The following LRRC4C variants were observed in gnomAD, a reference collection of about 807,000 sequenced individuals.
The protein encoded by LRRC4C is leucine-rich repeat-containing protein 4C.
Under a neutral mutation model 33.6 loss-of-function variants are expected in LRRC4C, and 5 were observed. The observed-to-expected ratio is 0.15, with a 90% CI of 0.08 to 0.31. The LOEUF is 0.31. Ranked by LOEUF, LRRC4C falls within the 10% of genes least tolerant of loss-of-function variation. The pLI is 1.00. For synonymous variants in LRRC4C, 329 were observed against 302.0 expected, an observed-to-expected ratio of 1.09 and a Z score of -0.93; for missense variants, 560 against 796.7, an observed-to-expected ratio of 0.70 and a Z score of 3.58.
chr11:40,918,705 T>A (rs185402435), intron 2 of LRRC4C, among the ~76,000 whole-genome samples: 38 of 152,236 alleles, frequency 2.5e-4, no homozygotes, highest in African/African-American at 9.1e-4. Context: ...AAAAACTGAG[T>A]TCAGAGTAAG....
intron 3 of LRRC4C, among the ~76,000 whole-genome samples, chr11:40,414,237 A>G (rs1376903291): frequency 2.0e-5 from 3 of 152,170 alleles, no homozygotes; most frequent in Non-Finnish European, 4.4e-5. Context: ...CACAGGCACT[A>G]GGAACGAGAG....
At chr11:41,023,239 T>C (rs1156870415) in intron 1 of LRRC4C, among the ~76,000 whole-genome samples, 1 of 151,798 alleles carries the variant, frequency 6.6e-6, no homozygotes, top group African/African-American at 2.4e-5. Context: ...CAAATTTAAA[T>C]AGAGAAACAA....
chr11:41,392,841 C>T (rs1953657603), intron 1 of LRRC4C, among the ~76,000 whole-genome samples: 1 of 151,700 alleles, frequency 6.6e-6, no homozygotes, highest in South Asian at 2.1e-4. Context: ...AGGATTCTTC[C>T]CTGGAGTCTT....
intron 3 of LRRC4C, among the ~76,000 whole-genome samples, chr11:40,524,062 C>G (rs1018962310): frequency 7.2e-5 from 11 of 152,162 alleles, no homozygotes; most frequent in Non-Finnish European, 1.5e-4. Flanking sequence ...CTTGCTAACT[C>G]AGAATCCGGA....
At chr11:41,054,929 T>C (rs916021875) in intron 1 of LRRC4C, among the ~76,000 whole-genome samples, 1 of 152,194 alleles carries the variant, frequency 6.6e-6, no homozygotes, top group African/African-American at 2.4e-5. Context: ...CGACTTGTAT[T>C]GTAAATTTAT....
intron 4 of LRRC4C, among the ~76,000 whole-genome samples, chr11:40,256,024 T>G (rs1405986036): frequency 6.6e-6 from 1 of 152,240 alleles, no homozygotes; most frequent in African/African-American, 2.4e-5. Flanking sequence ...ATACAGAGTT[T>G]CCTATTATGA....
intron 3 of LRRC4C, among the ~76,000 whole-genome samples, chr11:40,495,732 A>G (rs1590914134): frequency 6.7e-6 from 1 of 150,360 alleles, no homozygotes; most frequent in African/African-American, 2.5e-5. Context: ...TTGGAATGCA[A>G]CTCACTATCC....
chr11:41,413,579 C>T (rs546934436), intron 1 of LRRC4C, among the ~76,000 whole-genome samples: 1 of 152,244 alleles, frequency 6.6e-6, no homozygotes, highest in African/African-American at 2.4e-5. Flanking sequence ...ATCAATAAGC[C>T]AGATAACTTG....
In LRRC4C at chr11:40,902,292, C is replaced by T. The variant is rs114932366; in HGVS notation, c.-407+31343G>A. ...TTACTGTTGTTATTGTTTTGGGGCACTGTGAACACACCATATAAGATAGTA... is the reference window on the plus strand; with the variant it reads ...TTACTGTTGTTATTGTTTTGGGGCATTGTGAACACACCATATAAGATAGTA... On this transcript the variant is annotated intron_variant, in intron 2 of 6. Transcript: ENST00000528697. 1.7e-3 allele frequency among the ~76,000 whole-genome samples: 255 copies of T among 152,134 alleles called. 2 individuals carry two copies. The highest frequency in any genetic ancestry group is 6.0e-3 in the African/African-American group (247 of 41,496).
chr11:40,818,406 T>C (rs1473455178), intron 2 of LRRC4C, among the ~76,000 whole-genome samples: 1 of 152,120 alleles, frequency 6.6e-6, no homozygotes, highest in East Asian at 1.9e-4. Context: ...TTGGTATATC[T>C]TGCAACACTA....
At chr11:40,652,258 G>A (rs1942855130) in intron 2 of LRRC4C, among the ~76,000 whole-genome samples, 1 of 152,076 alleles carries the variant, frequency 6.6e-6, no homozygotes, top group Admixed American at 6.6e-5. Context: ...AGATATCTAG[G>A]ATCTAAAAAC....
intron 1 of LRRC4C, among the ~76,000 whole-genome samples, chr11:41,187,285 A>T (rs2136190638): frequency 1.3e-5 from 2 of 152,308 alleles, no homozygotes; most frequent in East Asian, 3.9e-4. Context: ...ACAAATCCCG[A>T]GGCTGTAGCA....
intron 2 of LRRC4C, among the ~76,000 whole-genome samples, chr11:40,845,538 C>G (rs763171790): frequency 1.3e-5 from 2 of 152,152 alleles, no homozygotes; most frequent in African/African-American, 2.4e-5. Context: ...GCATAGTATT[C>G]CATGGTATAT....
chr11:40,919,963 C>T (rs1957109389), intron 2 of LRRC4C, among the ~76,000 whole-genome samples: 1 of 152,086 alleles, frequency 6.6e-6, no homozygotes, highest in Non-Finnish European at 1.5e-5. Flanking sequence ...TGTGTATAAT[C>T]TACCTTTACA....
chr11:41,419,253 G>C (rs890359578), intron 1 of LRRC4C, among the ~76,000 whole-genome samples: 4 of 151,856 alleles, frequency 2.6e-5, no homozygotes, highest in African/African-American at 9.7e-5. Flanking sequence ...GAACAAGCAG[G>C]TCTAAATAAC....
chr11:41,281,106 A>T (rs11036339), intron 1 of LRRC4C, among the ~76,000 whole-genome samples: 7,251 of 88,424 alleles, frequency 0.082, 276 homozygotes, highest in African/African-American at 0.21. Context: ...TCTCTCTCTC[A>T]CACACACACA....
chr11:40,379,147 T>G (rs945261265), intron 3 of LRRC4C, among the ~76,000 whole-genome samples: 1 of 151,834 alleles, frequency 6.6e-6, no homozygotes, highest in African/African-American at 2.4e-5. Context: ...TGTTTGGAGG[T>G]GTATATGGAA....
intron 5 of LRRC4C, among the ~76,000 whole-genome samples, chr11:40,187,008 G>T (rs1460855174): frequency 6.6e-6 from 1 of 152,188 alleles, no homozygotes; most frequent in Non-Finnish European, 1.5e-5. Flanking sequence ...ACACATTTCA[G>T]TCAGGCCATA....
At position 40,595,869 on chromosome 11, in the gene LRRC4C, A is replaced by G. The variant is rs573192656; in HGVS notation, c.-270+52273T>C. On this transcript the variant is annotated intron_variant, in intron 3 of 6. Coordinates refer to ENST00000528697, the MANE Select transcript of LRRC4C (RefSeq NM_001258419.2). ...GAAAAGCATATTTCTCAATAGAAGC[A>G]GAGTGGCTTGGAATTAGCTGGGGGA... 2.0e-5 allele frequency among the ~76,000 whole-genome samples: 3 copies of G among 152,300 alleles called. No homozygotes were observed. The East Asian group carries it at 5.8e-4, about 29-fold the overall frequency.
Sources: allele counts gnomAD v4.1 joint callset (sites outside exome capture counted in the v4.1 genomes callset), GRCh38; gene constraint gnomAD v4.1.1; transcripts MANE v1.5; gene names NCBI Gene and HGNC (gene_info 2026-07-23, HGNC 2026-07-21).